SGCD: variants seen among roughly 807,000 people sequenced by gnomAD.
SGCD encodes delta-sarcoglycan.
SGCD carries 18 observed loss-of-function variants against 36.6 expected under a neutral mutation model. The ratio of observed to expected loss-of-function variants is 0.49; its 90% CI spans 0.34 to 0.73. SGCD has a LOEUF of 0.73. Ranked by LOEUF, SGCD falls within the 30% of genes least tolerant of loss-of-function variation. SGCD has a pLI of 0.01. For synonymous variants in SGCD, 133 were observed against 130.6 expected, an observed-to-expected ratio of 1.02 and a Z score of -0.12; for missense variants, 387 against 346.7, an observed-to-expected ratio of 1.12 and a Z score of -0.92.
chr5:156,029,564 G>T (rs1413407121), intron 1 of SGCD, among the ~76,000 whole-genome samples: 1 of 152,146 alleles, frequency 6.6e-6, no homozygotes, highest in African/African-American at 2.4e-5. Flanking sequence ...TGAAGTCCAG[G>T]GTTGTATGGG....
At chr5:156,080,126 G>T (rs1760912499) in intron 1 of SGCD, among the ~76,000 whole-genome samples, 1 of 152,216 alleles carries the variant, frequency 6.6e-6, no homozygotes, top group Non-Finnish European at 1.5e-5. Flanking sequence ...CTTACAGCTT[G>T]CACCCTCTAA....
At chr5:156,520,200 C>T (rs1286687705) in intron 4 of SGCD, among the ~76,000 whole-genome samples, 5 of 152,296 alleles carry the variant, frequency 3.3e-5, no homozygotes, top group East Asian at 1.9e-4. Flanking sequence ...GCAAAAATCA[C>T]GAGCATTCCT....
chr5:156,284,232 C>T (rs1766532268), intron 3 of SGCD, among the ~76,000 whole-genome samples: 4 of 152,082 alleles, frequency 2.6e-5, no homozygotes, highest in Admixed American at 2.6e-4. Context: ...CAGCCAAATT[C>T]TACTAGAGCT....
intron 3 of SGCD, among the ~76,000 whole-genome samples, chr5:156,263,997 C>G (rs1215789297): frequency 2.0e-5 from 3 of 151,726 alleles, no homozygotes; most frequent in Non-Finnish European, 4.4e-5. Context: ...TTTGCTCAAG[C>G]AAGTCTAGTG....
chr5:156,244,914 A>G (rs1765403729), intron 3 of SGCD, among the ~76,000 whole-genome samples: 1 of 152,174 alleles, frequency 6.6e-6, no homozygotes. Context: ...TTCCCCTACT[A>G]ACAGATTACT....
chr5:156,016,025 CAAAACAG>C lies in SGCD; in HGVS notation c.-281-101847_-281-101841del, dbSNP rs137951711. Among the ~76,000 whole-genome samples, 526 of 151,922 alleles carry C rather than the reference CAAAACAG, an allele frequency of 3.5e-3. 1 individual carries two copies. Among genetic ancestry groups the C allele is most frequent in the African/African-American group, 6.1e-3 (251 of 41,462 alleles). On this transcript the variant is annotated intron_variant, in intron 1 of 9. Transcript: ENST00000517913. ...AAATACAATAACCTGACCTTTAAAA[CAAAACAG>C]AAAACTTATGATTCTTTCAAATTTC... is the stretch of plus-strand genomic sequence containing the variant.
intron 3 of SGCD, among the ~76,000 whole-genome samples, chr5:156,454,463 G>T (rs910389952): frequency 6.6e-6 from 1 of 152,112 alleles, no homozygotes; most frequent in Non-Finnish European, 1.5e-5. Context: ...CCCAAGATTT[G>T]GATTTATACT....
intron 1 of SGCD, among the ~76,000 whole-genome samples, chr5:156,037,533 T>C (rs1759528984): frequency 6.6e-6 from 1 of 152,234 alleles, no homozygotes; most frequent in South Asian, 2.1e-4. Flanking sequence ...GAAAGTTACC[T>C]ACACAAACTT....
At chr5:156,615,882 T>C (rs997457313) in intron 6 of SGCD, among the ~76,000 whole-genome samples, 4 of 152,208 alleles carry the variant, frequency 2.6e-5, no homozygotes, top group African/African-American at 7.2e-5. Context: ...ATTAGGTACA[T>C]TTGAACTAGA....
intron 3 of SGCD, among the ~76,000 whole-genome samples, chr5:156,468,709 T>A (rs145034789): frequency 4.9e-4 from 75 of 152,236 alleles, no homozygotes; most frequent in African/African-American, 1.7e-3. Context: ...TACAATAATG[T>A]GGCTGTGTGT....
At chr5:156,749,012 A>C (rs1241899527) in intron 7 of SGCD, among the ~76,000 whole-genome samples, 8 of 151,910 alleles carry the variant, frequency 5.3e-5, no homozygotes, top group Non-Finnish European at 7.4e-5. Context: ...TGATCTGCCC[A>C]CCTCAGCTTC....
chr5:156,718,086 C>T (rs940718005), intron 7 of SGCD, among the ~76,000 whole-genome samples: 1 of 152,136 alleles, frequency 6.6e-6, no homozygotes, highest in Non-Finnish European at 1.5e-5. Context: ...GTGTTGGCCT[C>T]TCCATTTCTC....
chr5:156,235,043 T>C (rs1765120424), intron 3 of SGCD, among the ~76,000 whole-genome samples: 1 of 152,224 alleles, frequency 6.6e-6, no homozygotes, highest in Non-Finnish European at 1.5e-5. Flanking sequence ...TTTCTTATAA[T>C]ATTCATGATA....
At chr5:156,614,135 T>C (rs992203829) in intron 6 of SGCD, among the ~76,000 whole-genome samples, 36 of 152,106 alleles carry the variant, frequency 2.4e-4, no homozygotes, top group African/African-American at 8.5e-4. Context: ...TTAGTAGAGA[T>C]GGTTTCACCA....
chr5:156,300,860 T>C (rs1767035150), intron 3 of SGCD, among the ~76,000 whole-genome samples: 1 of 152,086 alleles, frequency 6.6e-6, no homozygotes. Context: ...TTTATCATTA[T>C]ATAATCTTTG....
chr5:155,886,511 C>T lies in SGCD; in HGVS notation c.-282+16087C>T, dbSNP rs1488461501. On this transcript the variant is annotated intron_variant, in intron 1 of 9. Transcript: ENST00000517913. ...GTGTGTGTGCGCGCACGCGCGCGTG[C>T]GTGTGTGTGTGCGTGGGCGCGTGTG... Among the ~76,000 whole-genome samples the T allele has an allele frequency of 4.0e-5, 6 of 149,692 alleles. No homozygotes were observed. The South Asian group carries it at 6.3e-4, about 16-fold the overall frequency.
intron 7 of SGCD, among the ~76,000 whole-genome samples, chr5:156,676,309 G>T (rs1354330318): frequency 1.3e-5 from 2 of 152,086 alleles, no homozygotes; most frequent in Non-Finnish European, 2.9e-5. Context: ...CCTGTTGCTG[G>T]CCCAGACTAA....
At chr5:155,739,862 A>T in the SGCD span, among the ~76,000 whole-genome samples, 1 of 152,180 alleles carries the variant, frequency 6.6e-6, no homozygotes, top group East Asian at 1.9e-4. Context: ...ATTTGAGTTT[A>T]TATTTAAACT....
intron 1 of SGCD, among the ~76,000 whole-genome samples, chr5:156,107,322 T>C (rs1057008279): frequency 1.3e-5 from 2 of 152,160 alleles, no homozygotes; most frequent in Non-Finnish European, 2.9e-5. Flanking sequence ...GTGGGCCCTC[T>C]GTCTAGGAAA....
Sources: gnomAD v4.1 joint callset for allele counts (sites outside exome capture counted in the v4.1 genomes callset) on GRCh38, gnomAD v4.1.1 for gene constraint, MANE v1.5 for transcripts, NCBI Gene and HGNC (gene_info 2026-07-23, HGNC 2026-07-21) for gene names.